The following CUX2 variants were observed in gnomAD, a reference collection of about 807,000 sequenced individuals.
The protein encoded by CUX2 is cut like homeobox 2.
In CUX2, 40 loss-of-function variants were observed where a neutral mutation model predicts 144.8. The observed-to-expected ratio is 0.28, with a 90% CI of 0.21 to 0.36. The LOEUF (loss-of-function observed/expected upper bound fraction) is 0.36, where lower values mean the gene tolerates loss of function less well. Ranked by LOEUF, CUX2 falls within the 10% of genes least tolerant of loss-of-function variation. The pLI, the probability that CUX2 is intolerant of heterozygous loss-of-function variation, is 1.00. For missense variants in CUX2, 1,615 were observed against 1,994.0 expected, an observed-to-expected ratio of 0.81 and a Z score of 3.62; for synonymous variants, 827 against 875.6, an observed-to-expected ratio of 0.94 and a Z score of 0.98.
intron 9 of CUX2, among the ~76,000 whole-genome samples, chr12:111,300,421 A>AC (rs966903591): frequency 2.6e-5 from 4 of 152,026 alleles, no homozygotes; most frequent in African/African-American, 9.7e-5. Context: ...GTGCCCAGCC[A>AC]CCCCTTTTAA....
intron 3 of CUX2, among the ~76,000 whole-genome samples, chr12:111,244,684 G>A (rs970306355): frequency 1.3e-5 from 2 of 152,128 alleles, no homozygotes; most frequent in Non-Finnish European, 2.9e-5. Flanking sequence ...TTTTCCCAGT[G>A]TACAGCCTAG....
chr12:111,298,635 G>T, intron 9 of CUX2, 46 bp downstream of exon 9: 1 of 1,538,004 alleles, frequency 6.5e-7, no homozygotes, highest in Non-Finnish European at 8.8e-7. Context: ...GGCTCCCTCT[G>T]CCTGGGGTGG....
intron 1 of CUX2, among the ~76,000 whole-genome samples, chr12:111,198,867 A>T (rs536759143): frequency 6.6e-6 from 1 of 152,340 alleles, no homozygotes; most frequent in Non-Finnish European, 1.5e-5. Context: ...AGTTGGGCAG[A>T]GAGGGGCCCC....
intron 1 of CUX2, among the ~76,000 whole-genome samples, chr12:111,202,372 C>T (rs927542338): frequency 6.6e-6 from 1 of 152,132 alleles, no homozygotes; most frequent in Non-Finnish European, 1.5e-5. Context: ...AGGAAGTGAT[C>T]GGATGTGGCT....
intron 1 of CUX2, among the ~76,000 whole-genome samples, chr12:111,041,155 C>A (rs930495506): frequency 3.3e-5 from 5 of 152,224 alleles, no homozygotes; most frequent in African/African-American, 1.2e-4. Flanking sequence ...CTTAACCTCT[C>A]CAAGCCTTAC....
At chr12:111,137,365 T>G (rs1875963711) in intron 1 of CUX2, among the ~76,000 whole-genome samples, 1 of 136,918 alleles carries the variant, frequency 7.3e-6, no homozygotes, top group Non-Finnish European at 1.5e-5. Flanking sequence ...TTGTTGTTGT[T>G]TGTTGATGTT....
chr12:111,211,652 G>A (rs1265249199), intron 1 of CUX2, among the ~76,000 whole-genome samples: 2 of 152,158 alleles, frequency 1.3e-5, no homozygotes, highest in Non-Finnish European at 2.9e-5. Flanking sequence ...TTGGGAGGCC[G>A]AGGTGGGTGG....
At chr12:111,176,024 C>G (rs925759272) in intron 1 of CUX2, among the ~76,000 whole-genome samples, 2 of 132,236 alleles carry the variant, frequency 1.5e-5, no homozygotes, top group Non-Finnish European at 3.2e-5. Flanking sequence ...TGAGGAGTCT[C>G]TTCTTCTTCT....
chr12:111,229,450 G>A (rs1055705457), intron 3 of CUX2, among the ~76,000 whole-genome samples: 2 of 152,230 alleles, frequency 1.3e-5, no homozygotes, highest in Non-Finnish European at 2.9e-5. Context: ...GAGAGGGTGA[G>A]AAACCCATCT....
At chr12:111,038,090 G>A (rs1869548337) in intron 1 of CUX2, among the ~76,000 whole-genome samples, 1 of 152,192 alleles carries the variant, frequency 6.6e-6, no homozygotes, top group African/African-American at 2.4e-5. Context: ...TCAATCTCCT[G>A]GCGCAGGAGA....
At chr12:111,286,207 G>A (rs889208996) in intron 4 of CUX2, among the ~76,000 whole-genome samples, 2 of 152,196 alleles carry the variant, frequency 1.3e-5, no homozygotes, top group African/African-American at 2.4e-5. Context: ...GCCTTGTCTA[G>A]GGGTGATGAA....
At chr12:111,212,979 A>C (rs562873803) in intron 1 of CUX2, among the ~76,000 whole-genome samples, 14 of 152,334 alleles carry the variant, frequency 9.2e-5, no homozygotes, top group Admixed American at 9.1e-4. Context: ...TGCAAGAGGA[A>C]TGTGTATTAG....
At chr12:111,229,720 CAAA>C (rs566074339) in intron 3 of CUX2, among the ~76,000 whole-genome samples, 4 of 146,344 alleles carry the variant, frequency 2.7e-5, no homozygotes, top group Admixed American at 1.4e-4. Flanking sequence ...TTGGTCTCTA[CAAA>C]AAAAAAAGTT....
chr12:111,250,872 G>A (rs894321297), intron 3 of CUX2, among the ~76,000 whole-genome samples: 3 of 152,172 alleles, frequency 2.0e-5, no homozygotes, highest in Admixed American at 6.5e-5. Context: ...AAGTGGATCT[G>A]GATTCCCAGC....
At chr12:111,108,615 C>T (rs1326233986) in intron 1 of CUX2, among the ~76,000 whole-genome samples, 2 of 151,958 alleles carry the variant, frequency 1.3e-5, no homozygotes, top group Non-Finnish European at 2.9e-5. Flanking sequence ...TCTCTGCCAC[C>T]TCCATACCCA....
intron 8 of CUX2, among the ~76,000 whole-genome samples, chr12:111,297,849 C>T (rs550947581): frequency 1.3e-5 from 2 of 152,196 alleles, no homozygotes; most frequent in Non-Finnish European, 2.9e-5. Flanking sequence ...GCAAATGCTA[C>T]AAAGGGAAGA....
intron 1 of CUX2, among the ~76,000 whole-genome samples, chr12:111,208,509 A>T (rs1881038918): frequency 6.6e-6 from 1 of 152,176 alleles, no homozygotes; most frequent in Non-Finnish European, 1.5e-5. Flanking sequence ...ATAACCAACC[A>T]TAGGATCCTT....
intron 1 of CUX2, among the ~76,000 whole-genome samples, chr12:111,097,895 G>GT: frequency 6.6e-6 from 1 of 152,216 alleles, no homozygotes; most frequent in East Asian, 1.9e-4. Flanking sequence ...GCTTGGAGTG[G>GT]TTGGTGGGTG....
intron 1 of CUX2, among the ~76,000 whole-genome samples, chr12:111,200,029 G>A (rs1205749390): frequency 6.6e-6 from 1 of 152,160 alleles, no homozygotes; most frequent in East Asian, 1.9e-4. Context: ...GAATCAGGAG[G>A]GGAGGTGAAC....
Sources: gnomAD v4.1 joint callset for allele counts (sites outside exome capture counted in the v4.1 genomes callset) on GRCh38, gnomAD v4.1.1 for gene constraint, MANE v1.5 for transcripts, NCBI Gene and HGNC (gene_info 2026-07-23, HGNC 2026-07-21) for gene names.